The following BACH2 variants were observed in gnomAD, a reference collection of about 807,000 sequenced individuals.
BACH2 encodes transcription regulator protein BACH2.
In BACH2, 5 loss-of-function variants were observed where a neutral mutation model predicts 61.8. The ratio of observed to expected loss-of-function variants is 0.08; its 90% confidence interval spans 0.04 to 0.17. The LOEUF (loss-of-function observed/expected upper bound fraction) is 0.17, where lower values mean the gene tolerates loss of function less well. BACH2 is among the 10% of genes least tolerant of loss of function. The pLI is 1.00. For synonymous variants in BACH2, 446 were observed against 440.1 expected (o/e 1.01, Z -0.17); for missense variants, 824 against 1,091.1 (o/e 0.76, Z 3.45).
intron 6 of BACH2, among the ~76,000 whole-genome samples, chr6:89,971,485 C>A (rs1436156653): frequency 6.6e-6 from 1 of 152,118 alleles, no homozygotes; most frequent in Non-Finnish European, 1.5e-5. Flanking sequence ...AGGTTCTAGG[C>A]TATTGGGACA....
At chr6:90,284,475 T>C (rs1245782874) in intron 1 of BACH2, among the ~76,000 whole-genome samples, 1 of 152,154 alleles carries the variant, frequency 6.6e-6, no homozygotes, top group South Asian at 2.1e-4. Context: ...AGATGCTGTG[T>C]AGGAGGGACG....
At chr6:90,274,070 G>T (rs1031760704) in intron 1 of BACH2, among the ~76,000 whole-genome samples, 32 of 152,118 alleles carry the variant, frequency 2.1e-4, no homozygotes, top group African/African-American at 7.7e-4. Flanking sequence ...GACAGATAGG[G>T]GAATACAGAC....
chr6:89,993,062 G>A (rs1429895919), intron 6 of BACH2, among the ~76,000 whole-genome samples: 1 of 152,178 alleles, frequency 6.6e-6, no homozygotes, highest in African/African-American at 2.4e-5. Context: ...ACACAAGGAG[G>A]CGGCTGTCTG....
At chr6:89,958,208 T>A (rs920322363) in intron 6 of BACH2, among the ~76,000 whole-genome samples, 5 of 152,356 alleles carry the variant, frequency 3.3e-5, no homozygotes, top group Admixed American at 6.5e-5. Flanking sequence ...CTCGAACTCC[T>A]GGGCTCAAGC....
At chr6:90,245,428 C>A (rs1770600575) in intron 3 of BACH2, among the ~76,000 whole-genome samples, 1 of 152,084 alleles carries the variant, frequency 6.6e-6, no homozygotes, top group South Asian at 2.1e-4. Flanking sequence ...CTGTTTCTAA[C>A]AAGAAAATTT....
intron 6 of BACH2, among the ~76,000 whole-genome samples, chr6:90,007,589 C>CTG (rs1474990894): frequency 6.6e-6 from 1 of 152,192 alleles, no homozygotes; most frequent in Non-Finnish European, 1.5e-5. Context: ...CTGAAGGCGT[C>CTG]TGGTTTGTGA....
intron 3 of BACH2, chr6:90,218,245 G>A (rs990920583): frequency 1.6e-4 from 25 of 152,180 alleles, no homozygotes; most frequent in African/African-American, 5.6e-4. Flanking sequence ...TCTTTGTTTG[G>A]TGGGTGTTGC....
At chr6:90,027,536 T>C (rs1582222017) in intron 5 of BACH2, among the ~76,000 whole-genome samples, 1 of 152,124 alleles carries the variant, frequency 6.6e-6, no homozygotes. Context: ...GGGCAGACAA[T>C]ACCCCCTCTC....
intron 3 of BACH2, among the ~76,000 whole-genome samples, chr6:90,211,521 T>C (rs1769348461): frequency 6.6e-6 from 1 of 152,026 alleles, no homozygotes; most frequent in South Asian, 2.1e-4. Flanking sequence ...TATAGAGGTA[T>C]GCTGAGAATA....
At chr6:90,201,273 G>A (rs1481686563) in intron 4 of BACH2, among the ~76,000 whole-genome samples, 3 of 152,142 alleles carry the variant, frequency 2.0e-5, no homozygotes, top group African/African-American at 7.2e-5. Flanking sequence ...CCTTATTTAA[G>A]TCCCCTTAAG....
At chr6:90,108,628 C>T (rs1783029838) in intron 4 of BACH2, among the ~76,000 whole-genome samples, 1 of 152,184 alleles carries the variant, frequency 6.6e-6, no homozygotes, top group Non-Finnish European at 1.5e-5. Flanking sequence ...ACCTCACAAG[C>T]TGGTTATCAG....
At chr6:90,160,304 C>T in intron 4 of BACH2, among the ~76,000 whole-genome samples, 1 of 152,180 alleles carries the variant, frequency 6.6e-6, no homozygotes, top group East Asian at 1.9e-4. Flanking sequence ...TCTAAGTAAG[C>T]AAGGCGGGGA....
chr6:89,959,214 G>A (rs74765314), intron 6 of BACH2, among the ~76,000 whole-genome samples: 1,856 of 152,008 alleles, frequency 0.012, 50 homozygotes, highest in African/African-American at 0.042. Context: ...ATCCCAGGGT[G>A]GAGGTCAAAC....
chr6:90,128,578 TCAA>T (rs909136043), intron 4 of BACH2, among the ~76,000 whole-genome samples: 9 of 152,128 alleles, frequency 5.9e-5, no homozygotes, highest in South Asian at 2.1e-4. Flanking sequence ...AGACTCTGTC[TCAA>T]CAACAACAAC....
In BACH2 at chr6:89,948,613, G is replaced by A. The variant is rs184797626; in HGVS notation, c.1836+1657C>T. ...AAGCCATGATGCGGATGAGGTGGAC[G>A]CAGTGACTTGCCTTCCACATCAGGC... On this transcript the variant is annotated intron_variant, in intron 7 of 8. Coordinates refer to ENST00000257749, the MANE Select transcript of BACH2 (RefSeq NM_021813.4). Among the ~76,000 whole-genome samples, 726 of 152,292 alleles carry A rather than the reference G, an allele frequency of 4.8e-3. 4 individuals carry two copies. Among genetic ancestry groups the A allele is most frequent in the Middle Eastern group, 0.02 (6 of 294 alleles).
intron 4 of BACH2, among the ~76,000 whole-genome samples, chr6:90,100,249 G>C (rs1254175061): frequency 6.6e-6 from 1 of 152,044 alleles, no homozygotes; most frequent in Non-Finnish European, 1.5e-5. Context: ...ATTTTTGTAT[G>C]GTTAGACATA....
At chr6:90,090,547 T>C (rs563030512) in intron 4 of BACH2, among the ~76,000 whole-genome samples, 84 of 152,280 alleles carry the variant, frequency 5.5e-4, no homozygotes, top group Non-Finnish European at 1.1e-3. Flanking sequence ...AAATGTAAGA[T>C]ATTTTATTTT....
intron 1 of BACH2, among the ~76,000 whole-genome samples, chr6:90,296,173 G>A (rs546022188): frequency 6.6e-6 from 1 of 152,100 alleles, no homozygotes; most frequent in Non-Finnish European, 1.5e-5. Context: ...TCCCTCTGCT[G>A]TTCCAAAACA....
intron 1 of BACH2, among the ~76,000 whole-genome samples, chr6:90,281,438 T>C (rs545701450): frequency 1.2e-4 from 18 of 152,306 alleles, no homozygotes; most frequent in African/African-American, 3.8e-4. Flanking sequence ...TTGGGACCAC[T>C]GTCCAGGTTG....
Sources: gnomAD v4.1 joint callset for allele counts (sites outside exome capture counted in the v4.1 genomes callset) on GRCh38, gnomAD v4.1.1 for gene constraint, MANE v1.5 for transcripts, NCBI Gene and HGNC (gene_info 2026-07-23, HGNC 2026-07-21) for gene names.